Variants in ARFGEF3 observed in about 807,000 individuals in gnomAD.
The protein encoded by ARFGEF3 is brefeldin A-inhibited guanine nucleotide-exchange protein 3.
A neutral mutation model predicts 221.7 loss-of-function variants in ARFGEF3; 96 were observed. The ratio of observed to expected loss-of-function variants is 0.43; its 90% CI spans 0.37 to 0.51. The LOEUF (loss-of-function observed/expected upper bound fraction) is 0.51, where lower values mean the gene tolerates loss of function less well. Among genes scored for constraint, ARFGEF3 ranks in the 20% least tolerant of loss-of-function variants. The pLI is 0.00. For synonymous variants in ARFGEF3, 1,145 were observed against 1,126.8 expected, an observed-to-expected ratio of 1.02 and a Z score of -0.32; for missense variants, 2,410 against 2,789.9, an observed-to-expected ratio of 0.86 and a Z score of 3.07.
intron 29 of ARFGEF3, among the ~76,000 whole-genome samples, chr6:138,322,222 C>G (rs1037214857): frequency 6.6e-6 from 1 of 152,190 alleles, no homozygotes; most frequent in Non-Finnish European, 1.5e-5. Context: ...CATCAATCTT[C>G]TCCTGCCCCT....
At chr6:138,312,272 T>G (rs561592803) in intron 25 of ARFGEF3, among the ~76,000 whole-genome samples, 1 of 152,262 alleles carries the variant, frequency 6.6e-6, no homozygotes, top group South Asian at 2.1e-4. Context: ...TGAGGCCGTT[T>G]GTCTCTAAGC....
At position 138,170,705 on chromosome 6, in the gene ARFGEF3, T is replaced by A; in HGVS notation, c.129T>A (p.His43Gln). 6.3e-7 allele frequency: 1 copy of A among 1,575,106 alleles called. No individual in the cohort carries two copies. Among genetic ancestry groups the A allele is most frequent in the Non-Finnish European group, 8.7e-7 (1 of 1,144,834 alleles). ...GLDTIVKIPP[H>Q]VLREKCLLPL... ...ATACCATTGTCAAGATCCCTCCACA[T>A]GTACTGAGGTAGGAGATGGACATTG... The change falls in exon 2 of 34, where the codon CAT (histidine) becomes CAA (glutamine). Residue 43 changes from histidine (H) to glutamine (Q), a missense_variant. Around this residue, in one of 5 missense-constraint regions of ARFGEF3, gnomAD observed 570 missense variants for 586.9 expected, o/e 0.97. Coordinates refer to ENST00000251691, the MANE Select transcript of ARFGEF3 (RefSeq NM_020340.5).
intron 10 of ARFGEF3, among the ~76,000 whole-genome samples, chr6:138,258,408 G>T (rs1481915523): frequency 6.6e-6 from 1 of 152,154 alleles, no homozygotes; most frequent in Non-Finnish European, 1.5e-5. Context: ...CTGAGGCTCT[G>T]GGGGGAGAAG....
chr6:138,310,686 G>T (rs952561383), intron 24 of ARFGEF3, among the ~76,000 whole-genome samples: 2 of 152,174 alleles, frequency 1.3e-5, no homozygotes, highest in Admixed American at 6.5e-5. Flanking sequence ...TACAGTACAT[G>T]AAATGATTTG....
At chr6:138,248,462 A>G (rs1023333940) in intron 8 of ARFGEF3, among the ~76,000 whole-genome samples, 3 of 152,198 alleles carry the variant, frequency 2.0e-5, no homozygotes, top group Non-Finnish European at 2.9e-5. Context: ...TAAAGACTGC[A>G]TTTGTTACTT....
chr6:138,336,992 T>TAAATACATATTCTTGGGTGTCATAATCA lies in ARFGEF3; in HGVS notation c.*508_*535dup, dbSNP rs1455254241. The TAAATACATATTCTTGGGTGTCATAATCA allele has an allele frequency of 3.9e-5, 6 of 152,684 alleles. No individual in the cohort carries two copies. Among genetic ancestry groups the TAAATACATATTCTTGGGTGTCATAATCA allele is most frequent in the African/African-American group, 1.4e-4 (6 of 41,466 alleles). 9.5% of individuals were successfully genotyped at this position (152,684 alleles called of 1,614,324 possible). ...GGTCTGGCTGGGAAGAAGACAACTA[T>TAAATACATATTCTTGGGTGTCATAATCA]AAATACATATTCTTGGGTGTCATAA... On this transcript the variant is annotated 3_prime_UTR_variant, in exon 34 of 34. Transcript: ENST00000251691.
At chr6:138,284,057 C>A (rs1779242039) in intron 14 of ARFGEF3, among the ~76,000 whole-genome samples, 1 of 152,162 alleles carries the variant, frequency 6.6e-6, no homozygotes, top group Non-Finnish European at 1.5e-5. Context: ...GTAACCCCAG[C>A]ACTTTGGAAG....
chr6:138,254,653 C>T (rs1478217599), intron 9 of ARFGEF3, among the ~76,000 whole-genome samples: 1 of 151,950 alleles, frequency 6.6e-6, no homozygotes, highest in African/African-American at 2.4e-5. Flanking sequence ...TCACTTGAAC[C>T]CGGGAGGCGG....
At chr6:138,173,318 G>A (rs150196417) in intron 2 of ARFGEF3, among the ~76,000 whole-genome samples, 159 of 152,238 alleles carry the variant, frequency 1.0e-3, no homozygotes, top group Middle Eastern at 3.4e-3. Flanking sequence ...CTTAAAGTAC[G>A]AGAAAAACAG....
rs1275714902 is a variant in ARFGEF3, at chr6:138,343,164, AAATT to A, written c.*6681_*6684del. 1 of 152,228 alleles carries A rather than the reference AAATT, an allele frequency of 6.6e-6. No homozygotes were observed. The highest frequency in any genetic ancestry group is 2.4e-5 in the African/African-American group (1 of 41,458). The allele number at this position is 152,228 out of a possible 1,614,324, so 9.4% of individuals were successfully genotyped here. A position where few individuals can be genotyped will look rare whatever the true frequency, so the allele number is the denominator to read the frequency against. ...TTGGAAATTCTTTTACCATTAAAAA[AAATT>A]AAGGACCATACAGAGAATGATTTAA... is the stretch of plus-strand genomic sequence containing the variant. On this transcript the variant is annotated 3_prime_UTR_variant, in exon 34 of 34. Transcript: ENST00000251691.
In ARFGEF3 at chr6:138,342,766, T is replaced by G. The variant is rs1164658255; in HGVS notation, c.*6280T>G. 1 of 152,234 alleles carries G rather than the reference T, an allele frequency of 6.6e-6. No individual in the cohort carries two copies. The highest frequency in any genetic ancestry group is 1.5e-5 in the Non-Finnish European group (1 of 68,040). The allele number at this position is 152,234 out of a possible 1,614,324, so 9.4% of individuals were successfully genotyped here. A position where few individuals can be genotyped will look rare whatever the true frequency, so the allele number is the denominator to read the frequency against. Reference sequence around the variant, plus strand: ...TTGCCAGTTGTTTTACATCTTTCATTGGCCACCAAAATATTAGCCATTTGA... The same window carrying G: ...TTGCCAGTTGTTTTACATCTTTCATGGGCCACCAAAATATTAGCCATTTGA... On this transcript the variant is annotated 3_prime_UTR_variant, in exon 34 of 34. Transcript: ENST00000251691.
chr6:138,326,224 T>C (rs540877200), intron 31 of ARFGEF3, among the ~76,000 whole-genome samples: 2 of 152,252 alleles, frequency 1.3e-5, no homozygotes, highest in East Asian at 3.9e-4. Flanking sequence ...TATTCACTCT[T>C]AAAATAACTC....
intron 12 of ARFGEF3, among the ~76,000 whole-genome samples, chr6:138,277,483 G>A (rs899676927): frequency 3.3e-5 from 5 of 152,122 alleles, no homozygotes; most frequent in African/African-American, 9.7e-5. Context: ...TGGTTATATC[G>A]GAGTAGAATT....
intron 32 of ARFGEF3, 89 bp from the exon 33 acceptor site, chr6:138,333,881 C>T (rs1264741892): frequency 2.9e-6 from 4 of 1,402,432 alleles, no homozygotes; most frequent in African/African-American, 2.9e-5. Context: ...TTGCATAGAT[C>T]GTTCTGAAAC....
At chr6:138,295,627 C>CAA (rs34138067) in intron 20 of ARFGEF3, among the ~76,000 whole-genome samples, 1,616 of 126,046 alleles carry the variant, frequency 0.013, 41 homozygotes, top group African/African-American at 0.045. Context: ...GAGACTCCCT[C>CAA]AAAAAAAAAA....
At chr6:138,184,822 T>C (rs1212927282) in intron 2 of ARFGEF3, among the ~76,000 whole-genome samples, 2 of 152,218 alleles carry the variant, frequency 1.3e-5, no homozygotes, top group Non-Finnish European at 2.9e-5. Flanking sequence ...TGGCTGTTGA[T>C]GGAGCTATGG....
At chr6:138,317,152 T>C (rs760160888) in intron 26 of ARFGEF3, 99 bp from the exon 27 acceptor site, 12 of 1,297,282 alleles carry the variant, frequency 9.3e-6, no homozygotes, top group African/African-American at 4.4e-5. Context: ...CACGTCTGTA[T>C]AGCACTTGGC....
intron 6 of ARFGEF3, 45 bp downstream of exon 6, chr6:138,238,676 CTG>C (rs752976782): frequency 4.7e-5 from 75 of 1,593,130 alleles, no homozygotes; most frequent in Non-Finnish European, 6.0e-5. Flanking sequence ...CTGGTGGTGT[CTG>C]TGTATCCCAT....
chr6:138,317,430 T>C (rs1779946211), intron 27 of ARFGEF3, 51 bp downstream of exon 27: 1 of 1,606,838 alleles, frequency 6.2e-7, no homozygotes, highest in African/African-American at 1.3e-5. Context: ...CATGTAACTC[T>C]TTTCAAGAGG....
Sources: gnomAD v4.1 joint callset for allele counts (sites outside exome capture counted in the v4.1 genomes callset) on GRCh38, gnomAD v4.1.1 for gene constraint, gnomAD v4.1.1 regional missense constraint, MANE v1.5 for transcripts, NCBI Gene and HGNC (gene_info 2026-07-23, HGNC 2026-07-21) for gene names.